The following JAK1 variants were observed in gnomAD, a reference collection of about 807,000 sequenced individuals.
JAK1 encodes tyrosine-protein kinase JAK1.
In JAK1, 16 loss-of-function variants were observed where a neutral mutation model predicts 136.6. The observed-to-expected ratio is 0.12, with a 90% CI of 0.08 to 0.18. JAK1 has a LOEUF of 0.18. JAK1 is among the 10% of genes least tolerant of loss of function. The pLI is 1.00. For missense variants in JAK1, 859 were observed against 1,450.1 expected (o/e 0.59, Z 6.62); for synonymous variants, 492 against 519.5 (o/e 0.95, Z 0.72).
intron 1 of JAK1, among the ~76,000 whole-genome samples, chr1:64,921,952 A>C (rs1199825092): frequency 6.6e-6 from 1 of 151,958 alleles, no homozygotes; most frequent in South Asian, 2.1e-4. Context: ...AGAGAGATTA[A>C]GTAACTGGCT....
intron 2 of JAK1, among the ~76,000 whole-genome samples, chr1:65,017,723 C>T (rs1646902089): frequency 6.6e-6 from 1 of 151,932 alleles, no homozygotes; most frequent in Admixed American, 6.5e-5. Context: ...GTAAACAGAG[C>T]ATCTCCATGT....
intron 1 of JAK1, among the ~76,000 whole-genome samples, chr1:64,941,748 G>A (rs2100520342): frequency 6.6e-6 from 1 of 152,304 alleles, no homozygotes; most frequent in East Asian, 1.9e-4. Flanking sequence ...TTTTCAACAT[G>A]AATCCAGGTA....
chr1:65,035,993 G>A lies in JAK1; in HGVS notation c.-78+8487C>T, dbSNP rs145829032. Among the ~76,000 whole-genome samples, 829 of 152,140 alleles carry A rather than the reference G, an allele frequency of 5.4e-3. 5 individuals are homozygous for A. The highest frequency in any genetic ancestry group is 0.01 in the Admixed American group (156 of 15,280). On this transcript the variant is annotated intron_variant, in intron 2 of 25. Transcript: ENST00000671954. ...TGAGGCAGAAGAATCACTTGAACCC[G>A]GGAGGTAGAAGTTGCAGTGAGCCGA... is the stretch of plus-strand genomic sequence containing the variant.
At chr1:64,836,252 G>C in intron 22 of JAK1, 37 bp from the exon 23 acceptor site, 1 of 1,187,934 alleles carries the variant, frequency 8.4e-7, no homozygotes, top group Non-Finnish European at 1.3e-6. Flanking sequence ...TCATTTCCTG[G>C]GAGGCACACT....
At chr1:64,961,152 GTTAGA>G (rs1371921736) in intron 1 of JAK1, among the ~76,000 whole-genome samples, 1 of 152,102 alleles carries the variant, frequency 6.6e-6, no homozygotes, top group Non-Finnish European at 1.5e-5. Flanking sequence ...TTAAAAACCA[GTTAGA>G]TAAACTGTCA....
rs534538914 is a variant in JAK1 at position 64,947,608 on chromosome 1, T to C, written c.-78+18725A>G. Among the ~76,000 whole-genome samples the C allele has an allele frequency of 5.7e-5, 8 of 140,848 alleles. No individual in the cohort carries two copies. The South Asian group carries it at 1.2e-3, about 22-fold the overall frequency. 92.4% of individuals were successfully genotyped at this position (140,848 alleles called of 152,430 possible). ...GTCCTCCCCCAACCCCCTTAAGACA[T>C]AGGCCAATAAATCCTTTTTTTTTTT... On this transcript the variant is annotated intron_variant, in intron 1 of 24. Transcript: ENST00000342505.
At chr1:64,841,839 T>C (rs1421035157) in intron 17 of JAK1, among the ~76,000 whole-genome samples, 1 of 152,208 alleles carries the variant, frequency 6.6e-6, no homozygotes, top group African/African-American at 2.4e-5. Context: ...AAAGCTTCAT[T>C]CAAGTAAAGG....
intron 2 of JAK1, among the ~76,000 whole-genome samples, chr1:65,035,089 T>A (rs891177438): frequency 3.3e-5 from 5 of 150,702 alleles, no homozygotes; most frequent in East Asian, 1.9e-4. Flanking sequence ...AATAAATAAA[T>A]AATAAATAAA....
intron 2 of JAK1, among the ~76,000 whole-genome samples, chr1:65,030,663 G>A (rs560399496): frequency 2.9e-4 from 44 of 152,100 alleles, no homozygotes; most frequent in Admixed American, 1.4e-3. Context: ...CTCCCAACTA[G>A]CTGGGATTAC....
rs1657190248 is a variant in JAK1 at position 64,873,373 on chromosome 1, A to C, written c.480T>G (p.Ala160=). The change falls in exon 5 of 25, where the codon GCT becomes GCG. Residue 160 remains alanine (A), a synonymous_variant. Transcript: ENST00000342505. ...CTCCTGGGCCCAAACTTCCTACCTGAGCAAACAGATACTCCAGTGAGCTGG... is the reference window on the plus strand; with the variant it reads ...CTCCTGGGCCCAAACTTCCTACCTGCGCAAACAGATACTCCAGTGAGCTGG... ...LDASSLEYLF[A]QGQYDLVKCL... The C allele has an allele frequency of 4.3e-6, 7 of 1,613,990 alleles. No individual in the cohort carries two copies. The South Asian group carries it at 7.7e-5, about 18-fold the overall frequency.
intron 1 of JAK1, among the ~76,000 whole-genome samples, chr1:64,951,355 AT>A (rs1271466057): frequency 6.6e-6 from 1 of 152,084 alleles, no homozygotes; most frequent in Non-Finnish European, 1.5e-5. Flanking sequence ...TACTCCACTG[AT>A]TTTTTTAAAT....
At chr1:64,906,307 A>G (rs1307104843) in intron 1 of JAK1, among the ~76,000 whole-genome samples, 1 of 151,978 alleles carries the variant, frequency 6.6e-6, no homozygotes, top group African/African-American at 2.4e-5. Flanking sequence ...AAAAGAAAAA[A>G]AAAAAAAAAT....
chr1:65,060,787 T>C (rs939151759), intron 1 of JAK1, among the ~76,000 whole-genome samples: 1 of 152,230 alleles, frequency 6.6e-6, no homozygotes, highest in African/African-American at 2.4e-5. Flanking sequence ...TCTTGCTTTT[T>C]CTTGAAAATG....
intron 3 of JAK1, among the ~76,000 whole-genome samples, chr1:64,879,471 C>T (rs962070147): frequency 6.6e-6 from 1 of 152,088 alleles, no homozygotes; most frequent in Non-Finnish European, 1.5e-5. Context: ...TCAAAAAAAC[C>T]CCTATCTGAG....
intron 1 of JAK1, among the ~76,000 whole-genome samples, chr1:64,941,242 G>A (rs1645885244): frequency 6.6e-6 from 1 of 152,040 alleles, no homozygotes; most frequent in Non-Finnish European, 1.5e-5. Context: ...CTAGAAAATG[G>A]TTAACCCAAA....
chr1:64,929,807 C>T (rs1305176750), intron 1 of JAK1, among the ~76,000 whole-genome samples: 2 of 152,192 alleles, frequency 1.3e-5, no homozygotes, highest in East Asian at 1.9e-4. Flanking sequence ...GTAACCAAAA[C>T]GGCATGGTAC....
Position 64,864,931 on chromosome 1 carries a change from T to C in JAK1, c.1032A>G (p.Lys344=). The change falls in exon 8 of 25, where the codon AAA becomes AAG. Residue 344 remains lysine, a synonymous_variant. Coordinates refer to ENST00000342505, the MANE Select transcript of JAK1 (RefSeq NM_002227.4). Reference sequence around the variant, plus strand: ...CCTTCTTGTGTTTATTTTCCAGTTTTTTCCGCTTCAGTTTATTTTTTTCCT... The same window carrying C: ...CCTTCTTGTGTTTATTTTCCAGTTTCTTCCGCTTCAGTTTATTTTTTTCCT... ...VEKEKNKLKR[K]KLENKHKKDE... 6.2e-7 allele frequency: 1 copy of C among 1,613,914 alleles called. No individual in the cohort carries two copies. Among genetic ancestry groups the C allele is most frequent in the Non-Finnish European group, 8.5e-7 (1 of 1,179,938 alleles).
At chr1:65,010,366 T>A (rs1293351765) in intron 2 of JAK1, among the ~76,000 whole-genome samples, 5 of 152,136 alleles carry the variant, frequency 3.3e-5, no homozygotes, top group African/African-American at 1.2e-4. Context: ...GAACACTTGC[T>A]CTGAGGGAAA....
intron 11 of JAK1, among the ~76,000 whole-genome samples, chr1:64,851,646 G>A (rs528673601): frequency 1.5e-3 from 233 of 152,230 alleles, no homozygotes; most frequent in Non-Finnish European, 2.6e-3. Context: ...AATCCTCGAG[G>A]CCAGGAAATC....
Sources: gnomAD v4.1 joint callset for allele counts (sites outside exome capture counted in the v4.1 genomes callset) on GRCh38, gnomAD v4.1.1 for gene constraint, MANE v1.5 for transcripts, NCBI Gene and HGNC (gene_info 2026-07-23, HGNC 2026-07-21) for gene names.